Variants in ANKAR observed in about 807,000 individuals in gnomAD.
ANKAR encodes the protein ankyrin and armadillo repeat-containing protein.
Under a neutral mutation model 146.2 loss-of-function variants are expected in ANKAR, and 136 were observed. That is an observed-to-expected ratio of 0.93 (90% CI 0.81 to 1.07). The LOEUF (loss-of-function observed/expected upper bound fraction) is 1.07. ANKAR is among the 50% of genes least tolerant of loss of function. ANKAR has a pLI of 0.00. For missense variants in ANKAR, 1,567 were observed against 1,679.9 expected (o/e 0.93, Z 1.18); for synonymous variants, 500 against 575.8 (o/e 0.87, Z 1.88).
At position 189,676,911 on chromosome 2, in the gene ANKAR, A is replaced by ACCT; in HGVS notation, c.423_424insTCC (p.Thr141_Arg142insSer). 6.2e-7 allele frequency: 1 copy of ACCT among 1,614,168 alleles called. No individual in the cohort carries two copies. Among genetic ancestry groups the ACCT allele is most frequent in the Non-Finnish European group, 8.5e-7 (1 of 1,180,036 alleles). ...TCAATTACCTCCAGCTTATTATGAT[A>ACCT]CCAGAATTGGGCAAATTCTGATCAA... On this transcript the variant is annotated inframe_insertion, in exon 2 of 23. Transcript: ENST00000684021.
At chr2:189,727,686 T>C in intron 12 of ANKAR, 170 bp from the exon 13 acceptor site, 1 of 682,842 alleles carries the variant, frequency 1.5e-6, no homozygotes, top group South Asian at 2.3e-5. Context: ...AAATGTTTGA[T>C]TGTGTTTAGG....
chr2:189,717,038 T>G (rs2040558071), intron 10 of ANKAR, among the ~76,000 whole-genome samples: 1 of 151,994 alleles, frequency 6.6e-6, no homozygotes, highest in South Asian at 2.1e-4. Flanking sequence ...GGGCAAGGAC[T>G]TCATGACTAA....
Position 189,737,748 on chromosome 2 carries a change from C to T in ANKAR, c.3489C>T (p.Tyr1163=). ...CCTTCAATAATCGCTTTCAACAATA[C>T]TTAATATTGGAAAGTGGAATAATGA... ...LFAFNNRFQQ[Y]LILESGIMTI... is the part of the protein sequence containing the mutation. Residue 1163 remains tyrosine, a synonymous_variant, in exon 18 of 23, where the codon TAC becomes TAT. Transcript: ENST00000684021. 6.2e-7 allele frequency: 1 copy of T among 1,600,138 alleles called. No homozygotes were observed. The highest frequency in any genetic ancestry group is 8.5e-7 in the Non-Finnish European group (1 of 1,176,406).
At chr2:189,755,155 AAATT>A in intron 18 of ANKAR, 1 of 1,590,410 alleles carries the variant, frequency 6.3e-7, no homozygotes, top group East Asian at 2.2e-5. Flanking sequence ...AAGAATGGAG[AAATT>A]AATTCTTAAT....
At position 189,705,006 on chromosome 2, in the gene ANKAR, T is replaced by C; in HGVS notation, c.1709-17T>C. Reference sequence around the variant, plus strand: ...GGTAGTGCTGTGATCACTGAAGTAATTGTCCATCCATTCTAGGTCCAACAC... The same window carrying C: ...GGTAGTGCTGTGATCACTGAAGTAACTGTCCATCCATTCTAGGTCCAACAC... On this transcript the variant is annotated splice_polypyrimidine_tract_variant and intron_variant, in intron 7 of 22. Coordinates refer to ENST00000684021, the MANE Select transcript of ANKAR (RefSeq NM_001378068.1). 6.2e-7 allele frequency: 1 copy of C among 1,611,788 alleles called. No individual in the cohort carries two copies. Among genetic ancestry groups the C allele is most frequent in the Non-Finnish European group, 8.5e-7 (1 of 1,178,094 alleles).
chr2:189,738,086 G>A (rs2043010034), intron 18 of ANKAR, among the ~76,000 whole-genome samples: 1 of 152,106 alleles, frequency 6.6e-6, no homozygotes, highest in Non-Finnish European at 1.5e-5. Flanking sequence ...TTTATAACAA[G>A]CCTGTAAGGT....
At chr2:189,725,475 G>A (rs1242873168) in intron 12 of ANKAR, among the ~76,000 whole-genome samples, 2 of 152,010 alleles carry the variant, frequency 1.3e-5, no homozygotes, top group East Asian at 1.9e-4. Context: ...GGTGAGTCAG[G>A]AACATCATCA....
chr2:189,760,732 A>C (rs2046923650), intron 18 of ANKAR, among the ~76,000 whole-genome samples: 1 of 152,008 alleles, frequency 6.6e-6, no homozygotes. Context: ...CGGAGATTGC[A>C]GTGAGCCGAG....
chr2:189,717,455 G>A (rs1279430839), intron 10 of ANKAR, among the ~76,000 whole-genome samples: 1 of 152,212 alleles, frequency 6.6e-6, no homozygotes, highest in East Asian at 1.9e-4. Context: ...TGGAGAGGAT[G>A]TGGAGAAATA....
intron 17 of ANKAR, among the ~76,000 whole-genome samples, chr2:189,736,115 C>A (rs1352842643): frequency 6.6e-6 from 1 of 152,178 alleles, no homozygotes. Flanking sequence ...CTGGGAATAG[C>A]CAACTTGGTT....
intron 5 of ANKAR, among the ~76,000 whole-genome samples, chr2:189,694,385 G>A (rs1339847565): frequency 6.6e-6 from 1 of 152,148 alleles, no homozygotes; most frequent in East Asian, 1.9e-4. Flanking sequence ...ATGGGGGGAA[G>A]GGGAGGAAGG....
chr2:189,737,732 A>C lies in ANKAR; in HGVS notation c.3473A>C (p.Asn1158Thr), dbSNP rs1219430653. 6.3e-7 allele frequency: 1 copy of C among 1,599,058 alleles called. No homozygotes were observed. Among genetic ancestry groups the C allele is most frequent in the Non-Finnish European group, 8.5e-7 (1 of 1,176,490 alleles). ...GYALTLFAFN[N>T]RFQQYLILES... ...GCATTAACACTTTTTGCCTTCAATA[A>C]TCGCTTTCAACAATACTTAATATTG... Residue 1158 changes from asparagine to threonine, a missense_variant, in exon 18 of 23, where the codon AAT becomes ACT. Asn to Thr is a moderately conservative substitution (Grantham distance 65, BLOSUM62 0). Transcript: ENST00000684021.
At chr2:189,719,468 A>C in intron 10 of ANKAR, 104 bp from the exon 11 acceptor site, 1 of 820,090 alleles carries the variant, frequency 1.2e-6, no homozygotes. Flanking sequence ...AATTATTTAT[A>C]TTGCAATGCC....
Position 189,689,685 on chromosome 2 carries a change from A to C in ANKAR, c.760A>C (p.Ile254Leu). ...AAAGTTAACATTCAGTACCACACAAATTCAACAGTATGAAAATGTCTTTAT... is the reference window on the plus strand; with the variant it reads ...AAAGTTAACATTCAGTACCACACAACTTCAACAGTATGAAAATGTCTTTAT... ...MLKLTFSTTQ[I>L]QQYENVFIFE... Residue 254 changes from isoleucine to leucine, a missense_variant, in exon 3 of 23, where the codon ATT becomes CTT. Transcript: ENST00000684021. 6.2e-7 allele frequency: 1 copy of C among 1,613,692 alleles called. No individual in the cohort carries two copies. Among genetic ancestry groups the C allele is most frequent in the Non-Finnish European group, 8.5e-7 (1 of 1,179,768 alleles).
Position 189,730,964 on chromosome 2 carries a change from G to A in ANKAR, c.3300+363G>A, listed in dbSNP as rs185349082. On this transcript the variant is annotated intron_variant, in intron 16 of 22. Transcript: ENST00000684021. ...ACATCAGTTGCTAAAACTGGGCGGC[G>A]ATAGTGGGAATGTGTGACTTATATG... Among the ~76,000 whole-genome samples the A allele has an allele frequency of 7.2e-5, 11 of 152,226 alleles. 1 individual carries two copies. The East Asian group carries it at 1.5e-3, about 21-fold the overall frequency.
intron 18 of ANKAR, among the ~76,000 whole-genome samples, chr2:189,758,520 C>T (rs1425069180): frequency 2.6e-5 from 4 of 152,226 alleles, no homozygotes; most frequent in African/African-American, 9.6e-5. Context: ...TGCTGCCACG[C>T]TTCCTACACA....
chr2:189,696,916 CATA>C (rs1367792465), intron 7 of ANKAR, among the ~76,000 whole-genome samples: 1 of 152,034 alleles, frequency 6.6e-6, no homozygotes, highest in African/African-American at 2.4e-5. Context: ...ATTTCTTTAT[CATA>C]ATAATGTTTA....
chr2:189,761,557 A>C, downstream of ANKAR: 1 of 1,611,264 alleles, frequency 6.2e-7, no homozygotes, highest in South Asian at 1.1e-5. Flanking sequence ...TTCCAGGATG[A>C]AAATTAAAAC....
At chr2:189,750,239 G>GA (rs1559159897), downstream of ANKAR, among the ~76,000 whole-genome samples, 1 of 152,146 alleles carries the variant, frequency 6.6e-6, no homozygotes, top group African/African-American at 2.4e-5. Flanking sequence ...GGAAGTGGGG[G>GA]AAAGTCCTAG....
Sources: gnomAD v4.1 joint callset for allele counts (sites outside exome capture counted in the v4.1 genomes callset) on GRCh38, gnomAD v4.1.1 for gene constraint, MANE v1.5 for transcripts, NCBI Gene and HGNC (gene_info 2026-07-23, HGNC 2026-07-21) for gene names.